The following ATAD2B variants were observed in gnomAD, a reference collection of about 807,000 sequenced individuals.
ATAD2B encodes ATPase family AAA domain containing 2B, also known as ATPase family AAA domain-containing protein 2B.
ATAD2B carries 40 observed loss-of-function variants against 167.6 expected under a neutral mutation model. That is an observed-to-expected ratio of 0.24 (90% CI 0.19 to 0.31). The LOEUF (loss-of-function observed/expected upper bound fraction) is 0.31. Among genes scored for constraint, ATAD2B ranks in the 10% least tolerant of loss-of-function variants. The probability of loss-of-function intolerance (pLI) is 1.00; values close to 1 mark genes in which losing one functional copy is unlikely to be tolerated. For missense variants in ATAD2B, 1,242 were observed against 1,757.2 expected, an observed-to-expected ratio of 0.71 and a Z score of 5.24; for synonymous variants, 579 against 596.5, an observed-to-expected ratio of 0.97 and a Z score of 0.43.
the ATAD2B span, among the ~76,000 whole-genome samples, chr2:23,683,002 C>G: frequency 6.6e-6 from 1 of 152,248 alleles, no homozygotes; most frequent in African/African-American, 2.4e-5. Flanking sequence ...CAGCAGAGCC[C>G]AGTGTGTCCT....
the ATAD2B span, chr2:23,706,912 A>G: frequency 2.4e-6 from 1 of 416,678 alleles, no homozygotes; most frequent in Non-Finnish European, 4.2e-6. Context: ...CCTCCTGAAC[A>G]GGGGCGCTCG....
intron 14 of ATAD2B, among the ~76,000 whole-genome samples, chr2:23,831,501 C>T (rs1267425806): frequency 6.6e-6 from 1 of 152,132 alleles, no homozygotes; most frequent in African/African-American, 2.4e-5. Flanking sequence ...TATTACTACC[C>T]TTAATACTTC....
At chr2:23,747,270 TA>T (rs1674942361), downstream of ATAD2B, among the ~76,000 whole-genome samples, 1 of 151,710 alleles carries the variant, frequency 6.6e-6, no homozygotes, top group African/African-American at 2.4e-5. Flanking sequence ...AAAACATAGC[TA>T]ATTTCTGAAG....
chr2:23,771,678 G>A (rs148523666), intron 22 of ATAD2B, among the ~76,000 whole-genome samples: 13 of 152,156 alleles, frequency 8.5e-5, no homozygotes, highest in East Asian at 5.8e-4. Context: ...TGGAATTACT[G>A]TATACCTTTT....
chr2:23,791,498 C>CA (rs973470114), intron 19 of ATAD2B, among the ~76,000 whole-genome samples: 15 of 149,722 alleles, frequency 1.0e-4, no homozygotes, highest in Non-Finnish European at 1.8e-4. Flanking sequence ...CTTTCAATGG[C>CA]AAAAAACGCA....
chr2:23,822,917 CAAAAAAAA>C (rs33911389), intron 16 of ATAD2B, among the ~76,000 whole-genome samples: 4 of 66,316 alleles, frequency 6.0e-5, no homozygotes, highest in African/African-American at 1.3e-4. Flanking sequence ...AACTCCATCT[CAAAAAAAA>C]AAAAAAAAAA....
chr2:23,895,709 AGTATTTACAAG>A, intron 2 of ATAD2B, 99 bp downstream of exon 2: 1 of 669,652 alleles, frequency 1.5e-6, no homozygotes, highest in Non-Finnish European at 2.3e-6. Flanking sequence ...TTTACTTATA[AGTATTTACAAG>A]ATACTTATTT....
At chr2:23,780,209 C>T (rs1463097376) in intron 22 of ATAD2B, among the ~76,000 whole-genome samples, 2 of 151,450 alleles carry the variant, frequency 1.3e-5, no homozygotes, top group African/African-American at 4.9e-5. Context: ...GGTCACACCG[C>T]TGCACTCCAG....
intron 22 of ATAD2B, among the ~76,000 whole-genome samples, chr2:23,778,837 G>C (rs539399603): frequency 6.6e-6 from 1 of 152,240 alleles, no homozygotes; most frequent in African/African-American, 2.4e-5. Context: ...GGAGAAATGG[G>C]ACTAAAGCCT....
the ATAD2B span, among the ~76,000 whole-genome samples, chr2:23,733,251 C>CT: frequency 1.3e-5 from 2 of 152,182 alleles, no homozygotes; most frequent in Admixed American, 1.3e-4. Flanking sequence ...GCCACATCTC[C>CT]TAGCAGCATT....
At position 23,762,300 on chromosome 2, in the gene ATAD2B, A is replaced by G. The variant is rs1229767888; in HGVS notation, c.3303T>C (p.Ala1101=). 1 of 1,613,446 alleles carries G rather than the reference A, an allele frequency of 6.2e-7. No homozygotes were observed. Among genetic ancestry groups the G allele is most frequent in the Non-Finnish European group, 8.5e-7 (1 of 1,179,762 alleles). ...CTTCGACTCTAGTTTCTGTCTTCCG[A>G]GCTCCAGTACTATGAGGATTTATTT... ...SEQINPHSTG[A]RKTETRVEEA... Residue 1101 remains alanine (A), a synonymous_variant, in exon 24 of 28, where the codon GCT becomes GCC. Coordinates refer to ENST00000238789, the MANE Select transcript of ATAD2B (RefSeq NM_017552.4).
chr2:23,735,220 C>T, the ATAD2B span, among the ~76,000 whole-genome samples: 1 of 152,214 alleles, frequency 6.6e-6, no homozygotes, highest in East Asian at 1.9e-4. Flanking sequence ...CTGGTCTACT[C>T]AGTTTTCCAA....
chr2:23,695,760 T>C, the ATAD2B span: 3 of 1,551,290 alleles, frequency 1.9e-6, no homozygotes, highest in East Asian at 2.4e-5. The surrounding 1 kb of genome is among the most constrained non-coding windows in gnomAD (Gnocchi z 7.6). Flanking sequence ...AACGCTACCA[T>C]ATGCTGCCCC....
chr2:23,786,146 T>C lies in ATAD2B; in HGVS notation c.2854A>G (p.Met952Val). The C allele has an allele frequency of 6.2e-7, 1 of 1,603,452 alleles. No homozygotes were observed. The highest frequency in any genetic ancestry group is 1.7e-5 in the Admixed American group (1 of 58,452). The stretch of plus-strand genomic sequence containing the variant: ...AAAGTATTTTCCTCCTGGTCCTCCA[T>C]TCGACTTTTTTCTGATTCTGATAAT... ...RQLSESEKSR[M>V]EDQEENTLRE... Residue 952 changes from methionine (M) to valine (V), a missense_variant, in exon 21 of 28, where the codon ATG (methionine) becomes GTG (valine). Around this residue, in one of 9 missense-constraint regions of ATAD2B, gnomAD observed 204 missense variants for 324.0 expected, o/e 0.63. Coordinates refer to ENST00000238789, the MANE Select transcript of ATAD2B (RefSeq NM_017552.4).
chr2:23,691,939 A>AT, the ATAD2B span: 1 of 1,486,152 alleles, frequency 6.7e-7, no homozygotes, highest in Non-Finnish European at 9.1e-7. Context: ...AGAACTCCAT[A>AT]AACAGCAAGG....
intron 2 of ATAD2B, 35 bp from the exon 3 acceptor site, chr2:23,888,434 C>G: frequency 7.3e-7 from 1 of 1,369,448 alleles, no homozygotes; most frequent in Middle Eastern, 1.8e-4. Context: ...GCAAACACAT[C>G]AACATTTGCT....
In ATAD2B at chr2:23,786,070, T is replaced by C. The variant is rs1276719446; in HGVS notation, c.2930A>G (p.Asp977Gly). The change falls in exon 21 of 28, where the codon GAT becomes GGT. Residue 977 changes from aspartate (D) to glycine (G), a missense_variant. This residue lies in a region of ATAD2B where 204 missense variants were observed against 324.0 expected (regional missense o/e 0.63). Transcript: ENST00000238789. Reference sequence around the variant, plus strand: ...TTTGCTGAAGATGTTAAAGCGTTTATCTGTGGCCAGCCTCTTGGTTACATC... The same window carrying C: ...TTTGCTGAAGATGTTAAAGCGTTTACCTGTGGCCAGCCTCTTGGTTACATC... Reference protein sequence around the residue: ...LRDVTKRLATDKRFNIFSKPV... With the variant: ...LRDVTKRLATGKRFNIFSKPV... The C allele has an allele frequency of 6.2e-7, 1 of 1,612,256 alleles. No individual in the cohort carries two copies. The highest frequency in any genetic ancestry group is 8.5e-7 in the Non-Finnish European group (1 of 1,179,164).
chr2:23,693,481 G>C, the ATAD2B span: 1 of 1,551,662 alleles, frequency 6.4e-7, no homozygotes, highest in Non-Finnish European at 8.7e-7. Flanking sequence ...GCTGGTGTAC[G>C]AGACAGTCAT....
At chr2:23,757,326 A>G in intron 25 of ATAD2B, 92 bp downstream of exon 25, 4 of 973,488 alleles carry the variant, frequency 4.1e-6, no homozygotes, top group Non-Finnish European at 4.4e-6. Context: ...ATAATTATTC[A>G]TCAACTATTA....
Sources: allele counts gnomAD v4.1 joint callset (sites outside exome capture counted in the v4.1 genomes callset), GRCh38; gene constraint gnomAD v4.1.1; regional missense constraint gnomAD v4.1.1; non-coding constraint Gnocchi (gnomAD v3.1); transcripts MANE v1.5; gene names NCBI Gene and HGNC (gene_info 2026-07-23, HGNC 2026-07-21).